Variants in ACADSB observed in about 807,000 individuals in gnomAD.
ACADSB encodes the protein short/branched chain specific acyl-CoA dehydrogenase, mitochondrial.
ACADSB carries 40 observed loss-of-function variants against 54.1 expected under a neutral mutation model. That is an observed-to-expected ratio of 0.74 (90% CI 0.57 to 0.96). ACADSB has a LOEUF of 0.96. Among genes scored for constraint, ACADSB ranks in the 40% least tolerant of loss-of-function variants. The pLI, the probability that ACADSB is intolerant of heterozygous loss-of-function variation, is 0.00. For missense variants in ACADSB, 530 were observed against 510.4 expected (o/e 1.04, Z -0.37); for synonymous variants, 182 against 182.8 (o/e 1.00, Z 0.03).
intron 9 of ACADSB, 151 bp downstream of exon 9, chr10:123,051,337 G>A: frequency 8.9e-7 from 1 of 1,121,910 alleles, no homozygotes; most frequent in Non-Finnish European, 1.2e-6. Context: ...TCTTATAATA[G>A]AAAAGCAAAA....
chr10:123,013,903 G>A (rs1006945609), intron 1 of ACADSB, among the ~76,000 whole-genome samples: 5 of 152,210 alleles, frequency 3.3e-5, no homozygotes, highest in Non-Finnish European at 5.9e-5. Context: ...CTCCCCGCAA[G>A]CCGAGGGAGC....
At chr10:123,010,606 C>A (rs1231268334) in intron 1 of ACADSB, among the ~76,000 whole-genome samples, 1 of 152,120 alleles carries the variant, frequency 6.6e-6, no homozygotes, top group South Asian at 2.1e-4. Context: ...GTCTCAGTTT[C>A]CTGGTCTGTA....
At chr10:123,012,859 G>T (rs1436825428) in intron 1 of ACADSB, among the ~76,000 whole-genome samples, 1 of 152,140 alleles carries the variant, frequency 6.6e-6, no homozygotes, top group Non-Finnish European at 1.5e-5. Context: ...CTGCTGGCTC[G>T]GCAGCCTGAT....
chr10:123,041,370 C>A lies in ACADSB; in HGVS notation c.672C>A (p.Asp224Glu), dbSNP rs1478467684. 8.1e-6 allele frequency: 13 copies of A among 1,614,014 alleles called. No homozygotes were observed. The highest frequency in any genetic ancestry group is 6.7e-5 in the East Asian group (3 of 44,888). ...AGLFLVMANVDPTIGYKGITS... is the reference protein window; with the variant it reads ...AGLFLVMANVEPTIGYKGITS... Reference sequence around the variant, plus strand: ...TCTTTCTGGTGATGGCAAATGTAGACCCTACCATTGTAAGTTTGAAAACGA... The same window carrying A: ...TCTTTCTGGTGATGGCAAATGTAGAACCTACCATTGTAAGTTTGAAAACGA... Residue 224 changes from aspartate (D) to glutamate (E), a missense_variant, in exon 5 of 11, where the codon GAC (aspartate) becomes GAA (glutamate). By Grantham distance (45) the Asp-to-Glu change is conservative. Transcript: ENST00000358776.
intron 1 of ACADSB, among the ~76,000 whole-genome samples, chr10:123,029,354 A>AG (rs1850296410): frequency 6.6e-6 from 1 of 151,832 alleles, no homozygotes; most frequent in Non-Finnish European, 1.5e-5. Flanking sequence ...TCAAAAAAAA[A>AG]GAGAAGAAAA....
In ACADSB at chr10:123,051,153, AG is replaced by A. The variant is rs775065448; in HGVS notation, c.1096del (p.Glu366LysfsTer27). The stretch of plus-strand genomic sequence containing the variant: ...TAGAAGCTGGAAAGCCATTCATAAA[AG>A]AAGCGTCAATGGCCAAATACTATGC... ...LLEAGKPFIK[E>X]ASMAKYYASE... On this transcript the variant is annotated frameshift_variant, in exon 9 of 11. Transcript: ENST00000358776. LOFTEE classifies it high-confidence loss of function. 9 of 1,610,998 alleles carry A rather than the reference AG, an allele frequency of 5.6e-6. No homozygotes were observed. Among genetic ancestry groups the A allele is most frequent in the Non-Finnish European group, 7.6e-6 (9 of 1,178,852 alleles).
At chr10:123,035,147 G>C (rs547925840) in intron 2 of ACADSB, among the ~76,000 whole-genome samples, 2 of 151,966 alleles carry the variant, frequency 1.3e-5, no homozygotes, top group African/African-American at 4.8e-5. Flanking sequence ...TAGTACAGAC[G>C]TGGTTTCACC....
intron 7 of ACADSB, among the ~76,000 whole-genome samples, chr10:123,045,150 TATATATATATATATA>T (rs1564752912): frequency 1.2e-3 from 15 of 12,038 alleles, no homozygotes; most frequent in African/African-American, 3.4e-3. Context: ...TATATATATA[TATATATATATATATA>T]TATATATTTT....
At chr10:123,028,629 C>T (rs1850285005) in intron 1 of ACADSB, among the ~76,000 whole-genome samples, 1 of 152,098 alleles carries the variant, frequency 6.6e-6, no homozygotes, top group African/African-American at 2.4e-5. Flanking sequence ...TGCCATTGCA[C>T]TCCATCCTTA....
At chr10:123,019,479 T>G (rs1850151904) in intron 1 of ACADSB, among the ~76,000 whole-genome samples, 1 of 152,274 alleles carries the variant, frequency 6.6e-6, no homozygotes, top group African/African-American at 2.4e-5. Context: ...CTGGGGCAGA[T>G]AGGCCTTGCA....
chr10:123,035,192 A>G (rs773712856), intron 2 of ACADSB, among the ~76,000 whole-genome samples: 9 of 152,156 alleles, frequency 5.9e-5, no homozygotes, highest in Admixed American at 2.0e-4. Context: ...TCCTGACCTC[A>G]TGATCTGCCC....
chr10:123,025,396 C>T (rs1054814861), intron 1 of ACADSB, among the ~76,000 whole-genome samples: 5 of 152,014 alleles, frequency 3.3e-5, no homozygotes, highest in African/African-American at 1.2e-4. Context: ...TCCGGGAGGT[C>T]AAGACTGCAG....
intron 5 of ACADSB, 145 bp from the exon 6 acceptor site, chr10:123,042,901 C>G (rs899744157): frequency 2.4e-6 from 2 of 824,360 alleles, no homozygotes; most frequent in South Asian, 1.6e-5. Context: ...TAGCTGCTCT[C>G]GTTTCATAAT....
intron 1 of ACADSB, among the ~76,000 whole-genome samples, chr10:123,009,591 G>C (rs904853337): frequency 1.3e-5 from 2 of 152,186 alleles, no homozygotes; most frequent in Non-Finnish European, 2.9e-5. Flanking sequence ...GAGTTGTTCG[G>C]GCTTCCCGGC....
intron 1 of ACADSB, among the ~76,000 whole-genome samples, chr10:123,030,711 G>C (rs1850315264): frequency 6.6e-6 from 1 of 152,040 alleles, no homozygotes; most frequent in Non-Finnish European, 1.5e-5. Context: ...AGAATGTTTA[G>C]AGCAATACTT....
intron 1 of ACADSB, among the ~76,000 whole-genome samples, chr10:123,033,365 C>T (rs1318477978): frequency 6.6e-6 from 1 of 152,156 alleles, no homozygotes. Flanking sequence ...CGTAGTGACT[C>T]GTCCACAGTT....
intron 5 of ACADSB, 92 bp from the exon 6 acceptor site, chr10:123,042,954 G>A: frequency 6.2e-6 from 9 of 1,458,622 alleles, no homozygotes; most frequent in Non-Finnish European, 8.5e-6. Flanking sequence ...TATTACCAAA[G>A]TCCATTTTTA....
At chr10:123,011,974 C>G (rs1377513972) in intron 1 of ACADSB, among the ~76,000 whole-genome samples, 1 of 152,062 alleles carries the variant, frequency 6.6e-6, no homozygotes, top group Non-Finnish European at 1.5e-5. Flanking sequence ...CCTCAGCTCC[C>G]CGGGAGCTAG....
chr10:123,043,841 G>T (rs1326082537), intron 6 of ACADSB, among the ~76,000 whole-genome samples: 2 of 152,118 alleles, frequency 1.3e-5, no homozygotes, highest in Non-Finnish European at 2.9e-5. Flanking sequence ...ACTAAGTATA[G>T]TTTTTTATTA....
Sources: allele counts gnomAD v4.1 joint callset (sites outside exome capture counted in the v4.1 genomes callset), GRCh38; gene constraint gnomAD v4.1.1; transcripts MANE v1.5; gene names NCBI Gene and HGNC (gene_info 2026-07-23, HGNC 2026-07-21).